Variants in R3HDM2 observed in about 807,000 individuals in gnomAD.
R3HDM2 encodes R3H domain containing 2.
R3HDM2 carries 38 observed loss-of-function variants against 124.5 expected under a neutral mutation model. The ratio of observed to expected loss-of-function variants is 0.31; its 90% CI spans 0.24 to 0.40. The LOEUF (loss-of-function observed/expected upper bound fraction) is 0.40, where lower values mean the gene tolerates loss of function less well. R3HDM2 is among the 10% of genes least tolerant of loss of function. R3HDM2 has a pLI of 1.00. For missense variants in R3HDM2, 869 were observed against 1,236.9 expected (o/e 0.70, Z 4.46); for synonymous variants, 391 against 448.0 (o/e 0.87, Z 1.61).
intron 2 of R3HDM2, chr12:57,341,503 T>C: frequency 1.4e-6 from 1 of 737,990 alleles, no homozygotes; most frequent in Non-Finnish European, 1.7e-6. Flanking sequence ...CTGCACTCTT[T>C]AGAAGCCAAG....
chr12:57,352,597 A>G (rs959526564), intron 2 of R3HDM2, among the ~76,000 whole-genome samples: 2 of 151,402 alleles, frequency 1.3e-5, no homozygotes, highest in African/African-American at 4.9e-5. Context: ...CACTCAGGCA[A>G]TTCTCCTGTC....
chr12:57,268,979 G>C lies in R3HDM2; in HGVS notation c.1818C>G (p.Ser606Arg). ...CCAGGCCTTGCATCTGGCCCCCCAT[G>C]CTGCTCCTCTGGCTGCTGAGCAGGC... ...NQGLLSSQRSSMGGQMQGLVV... is the reference protein window; with the variant it reads ...NQGLLSSQRSRMGGQMQGLVV... Residue 606 changes from serine to arginine, a missense_variant, in exon 17 of 24, where the codon AGC becomes AGG. By Grantham distance (110) the Ser-to-Arg change is moderately radical. Around this residue, in one of 2 missense-constraint regions of R3HDM2, gnomAD observed 602 missense variants for 789.2 expected, o/e 0.76. Transcript: ENST00000402412. The C allele has an allele frequency of 6.2e-7, 1 of 1,614,214 alleles. No homozygotes were observed. Among genetic ancestry groups the C allele is most frequent in the Non-Finnish European group, 8.5e-7 (1 of 1,180,046 alleles).
chr12:57,277,099 C>CA (rs11321648), intron 14 of R3HDM2, among the ~76,000 whole-genome samples: 1,664 of 106,388 alleles, frequency 0.016, 23 homozygotes, highest in African/African-American at 0.055. Flanking sequence ...AAATAATGAA[C>CA]AAAAAAAAAA....
intron 2 of R3HDM2, among the ~76,000 whole-genome samples, chr12:57,343,186 A>ATTT (rs760665727): frequency 3.7e-5 from 5 of 133,950 alleles, no homozygotes; most frequent in African/African-American, 1.2e-4. Context: ...TCGGGTCTTA[A>ATTT]TTTTTTTTTT....
At chr12:57,421,716 C>A (rs1342257941) in intron 1 of R3HDM2, among the ~76,000 whole-genome samples, 1 of 150,808 alleles carries the variant, frequency 6.6e-6, no homozygotes, top group African/African-American at 2.4e-5. Context: ...ACTAAGTTGC[C>A]CCAGGCTAGT....
intron 2 of R3HDM2, among the ~76,000 whole-genome samples, chr12:57,372,065 C>A (rs541046423): frequency 5.3e-5 from 8 of 152,294 alleles, no homozygotes; most frequent in Non-Finnish European, 1.0e-4. Flanking sequence ...TGAGGTTTCT[C>A]CACATTGGTC....
At chr12:57,331,841 G>A (rs889081432) in intron 2 of R3HDM2, among the ~76,000 whole-genome samples, 77 of 151,916 alleles carry the variant, frequency 5.1e-4, no homozygotes, top group African/African-American at 1.8e-3. Flanking sequence ...ATGAACCCGG[G>A]ACGCGGAGCT....
chr12:57,348,427 C>T (rs1173317992), intron 2 of R3HDM2, among the ~76,000 whole-genome samples: 1 of 151,996 alleles, frequency 6.6e-6, no homozygotes, highest in Non-Finnish European at 1.5e-5. Flanking sequence ...GGCACGGTGA[C>T]TCACGCCTGT....
At chr12:57,289,407 G>A (rs2048119559) in intron 11 of R3HDM2, among the ~76,000 whole-genome samples, 1 of 152,174 alleles carries the variant, frequency 6.6e-6, no homozygotes, top group Non-Finnish European at 1.5e-5. Flanking sequence ...TAAAGAGTGT[G>A]TTCAAAGGAA....
intron 1 of R3HDM2, among the ~76,000 whole-genome samples, chr12:57,403,638 G>A (rs189617370): frequency 1.0e-3 from 152 of 151,946 alleles, no homozygotes; most frequent in African/African-American, 3.3e-3. Flanking sequence ...GCAAAAACCC[G>A]TCTCTTCTAA....
chr12:57,258,808 C>T, intron 20 of R3HDM2, 82 bp downstream of exon 20: 1 of 1,273,188 alleles, frequency 7.9e-7, no homozygotes, highest in South Asian at 2.1e-5. Flanking sequence ...GTAAAAGAGG[C>T]TGCTCAGTCA....
At chr12:57,333,409 G>T (rs1263662350) in intron 2 of R3HDM2, among the ~76,000 whole-genome samples, 1 of 152,132 alleles carries the variant, frequency 6.6e-6, no homozygotes, top group Non-Finnish European at 1.5e-5. Context: ...GCAGCTTCAG[G>T]CCAGGCACAG....
intron 2 of R3HDM2, chr12:57,341,393 G>A: frequency 1.0e-6 from 1 of 983,538 alleles, no homozygotes; most frequent in African/African-American, 1.7e-5. Context: ...CACCGCTTCA[G>A]ATGGATTTTT....
In R3HDM2 at chr12:57,269,329, G is replaced by C. The variant is rs756563895; in HGVS notation, c.1708C>G (p.Gln570Glu). The C allele has an allele frequency of 6.2e-7, 1 of 1,613,882 alleles. No individual in the cohort carries two copies. The part of the protein sequence containing the change: ...RGQQLPQPSQ[Q>E]PGLQPMMPNQ... ...AACCAGTGGTTTCTCTTACCAGGCT[G>C]CTGGGATGGCTGAGGCAGCTGCTGA... Residue 570 changes from glutamine to glutamate, a missense_variant, in exon 16 of 24, where the codon CAG (glutamine) becomes GAG (glutamate). Gln to Glu is a conservative substitution (Grantham distance 29). Around this residue, in one of 2 missense-constraint regions of R3HDM2, gnomAD observed 602 missense variants for 789.2 expected, o/e 0.76. Transcript: ENST00000402412.
At chr12:57,399,705 C>T (rs554228615) in intron 1 of R3HDM2, among the ~76,000 whole-genome samples, 4 of 152,278 alleles carry the variant, frequency 2.6e-5, no homozygotes, top group South Asian at 4.1e-4. Context: ...AACACTTGGG[C>T]ACACCAAAAT....
chr12:57,408,736 A>AAT (rs1008201719), intron 1 of R3HDM2, among the ~76,000 whole-genome samples: 8 of 151,946 alleles, frequency 5.3e-5, no homozygotes, highest in Non-Finnish European at 8.8e-5. Flanking sequence ...AATCTCAAAA[A>AAT]ATATATATAT....
At chr12:57,255,885 T>G in intron 23 of R3HDM2, 105 bp downstream of exon 23, 1 of 954,698 alleles carries the variant, frequency 1.0e-6, no homozygotes, top group Non-Finnish European at 1.6e-6. Flanking sequence ...GGGTCCCACT[T>G]CCACTCCCCA....
At position 57,351,641 on chromosome 12, in the gene R3HDM2, A is replaced by G. The variant is rs149552102; in HGVS notation, c.-35-41178T>C. On this transcript the variant is annotated intron_variant, in intron 2 of 23. Coordinates refer to ENST00000402412, the MANE Select transcript of R3HDM2 (RefSeq NM_001394031.1). ...CAGATTTTCTACTCACTAATTATGTAACAGGCAAACTACTACTCTACCTGT... is the reference window on the plus strand; with the variant it reads ...CAGATTTTCTACTCACTAATTATGTGACAGGCAAACTACTACTCTACCTGT... 2.0e-5 allele frequency among the ~76,000 whole-genome samples: 3 copies of G among 152,354 alleles called. No individual in the cohort carries two copies. In the East Asian group the frequency reaches 5.8e-4, roughly 29 times the overall value.
chr12:57,384,677 A>G (rs919677006), intron 2 of R3HDM2, among the ~76,000 whole-genome samples: 1 of 152,224 alleles, frequency 6.6e-6, no homozygotes, highest in Non-Finnish European at 1.5e-5. Flanking sequence ...GGTTAGTAGA[A>G]ACAGGATTAT....
Sources: allele counts gnomAD v4.1 joint callset (sites outside exome capture counted in the v4.1 genomes callset), GRCh38; gene constraint gnomAD v4.1.1; regional missense constraint gnomAD v4.1.1; transcripts MANE v1.5; gene names NCBI Gene and HGNC (gene_info 2026-07-23, HGNC 2026-07-21).